Variants in ISY1 observed in about 807,000 individuals in gnomAD.
ISY1 encodes ISY1 spliceosome associated protein, also known as pre-mRNA-splicing factor ISY1 homolog.
Under a neutral mutation model 54.4 loss-of-function variants are expected in ISY1, and 12 were observed. The ratio of observed to expected loss-of-function variants is 0.22; its 90% CI spans 0.14 to 0.36. ISY1 has a LOEUF of 0.36. Among genes scored for constraint, ISY1 ranks in the 10% least tolerant of loss-of-function variants. The pLI, the probability that ISY1 is intolerant of heterozygous loss-of-function variation, is 1.00. For synonymous variants in ISY1, 96 were observed against 117.9 expected (o/e 0.81, Z 1.20); for missense variants, 282 against 342.2 (o/e 0.82, Z 1.39).
At chr3:129,157,015 T>C (rs1350672362) in intron 3 of ISY1, 95 bp from the exon 4 acceptor site, 1 of 1,378,856 alleles carries the variant, frequency 7.3e-7, no homozygotes, top group East Asian at 2.4e-5. Context: ...AATCATCTAA[T>C]GGCCTAAAAA....
chr3:129,145,946 A>G, intron 5 of ISY1, 73 bp from the exon 6 acceptor site: 1 of 1,423,942 alleles, frequency 7.0e-7, no homozygotes, highest in Non-Finnish European at 9.7e-7. Flanking sequence ...TACACTTAGT[A>G]TCATATCCTT....
Position 129,156,660 on chromosome 3 carries a change from A to C in ISY1, c.160T>G (p.Ser54Ala). The part of the protein sequence containing the change: ...KWRRQIIGEI[S>A]KKVAQIQNAG... The stretch of plus-strand genomic sequence containing the variant: ...TTCTGAATCTGAGCCACTTTTTTAG[A>C]GATCTCTCCAATGATCTATTAAAAA... Residue 54 changes from serine to alanine, a missense_variant, in exon 5 of 11, where the codon TCT becomes GCT. Transcript: ENST00000393295. 6.2e-7 allele frequency: 1 copy of C among 1,611,744 alleles called. No homozygotes were observed. The highest frequency in any genetic ancestry group is 8.5e-7 in the Non-Finnish European group (1 of 1,179,098).
At chr3:129,138,793 C>T (rs1430218745) in intron 7 of ISY1, among the ~76,000 whole-genome samples, 2 of 139,854 alleles carry the variant, frequency 1.4e-5, no homozygotes, top group Non-Finnish European at 3.1e-5. Flanking sequence ...CCAGCCTGCG[C>T]AACAGAGCAA....
At chr3:129,141,227 AAAT>A (rs869090100) in intron 6 of ISY1, among the ~76,000 whole-genome samples, 6 of 150,376 alleles carry the variant, frequency 4.0e-5, no homozygotes, top group African/African-American at 1.2e-4. Context: ...ATAAATAAAT[AAAT>A]AAAAAACACT....
chr3:129,149,017 C>G (rs141716646), intron 5 of ISY1, among the ~76,000 whole-genome samples: 27 of 152,242 alleles, frequency 1.8e-4, no homozygotes, highest in African/African-American at 6.5e-4. Flanking sequence ...GTCAACTGAC[C>G]AAACCAGACA....
At chr3:129,150,663 C>T (rs1936940626) in intron 5 of ISY1, among the ~76,000 whole-genome samples, 2 of 151,756 alleles carry the variant, frequency 1.3e-5, no homozygotes, top group Non-Finnish European at 2.9e-5. Flanking sequence ...CAGTGAGCTG[C>T]ACTCCAGCCT....
intron 6 of ISY1, among the ~76,000 whole-genome samples, chr3:129,145,331 T>C (rs541396370): frequency 4.6e-5 from 7 of 152,062 alleles, no homozygotes; most frequent in African/African-American, 1.7e-4. Context: ...CAAGTGATTC[T>C]CCTGCCTCAG....
intron 5 of ISY1, among the ~76,000 whole-genome samples, chr3:129,153,678 C>T (rs971785460): frequency 1.3e-5 from 2 of 151,932 alleles, no homozygotes; most frequent in African/African-American, 4.8e-5. Flanking sequence ...CCCAGCTACT[C>T]AGGAGGCTGA....
intron 5 of ISY1, among the ~76,000 whole-genome samples, chr3:129,147,109 T>C (rs1434076448): frequency 6.7e-6 from 1 of 149,822 alleles, no homozygotes; most frequent in East Asian, 2.0e-4. Context: ...GTGCGGTGGC[T>C]CACACCTGTA....
At chr3:129,134,238 T>C (rs1289627028) in intron 8 of ISY1, 43 bp from the exon 9 acceptor site, 2 of 1,613,164 alleles carry the variant, frequency 1.2e-6, no homozygotes, top group Non-Finnish European at 1.7e-6. Context: ...TGTCTCTAAA[T>C]GAGCTTTCAA....
In ISY1 at chr3:129,134,876, T is replaced by C. The variant is rs957448368; in HGVS notation, c.497A>G (p.Asp166Gly). The change falls in exon 8 of 11, where the codon GAT becomes GGT. Residue 166 changes from aspartate to glycine, a missense_variant. Coordinates refer to ENST00000393295, the MANE Select transcript of ISY1 (RefSeq NM_020701.4). ...TTCCAAAGGCACAATAACACCATCA[T>C]CTTCATCTAGGTAACCATAGTACTC... The part of the protein sequence containing the change: ...DFEYYGYLDE[D>G]DGVIVPLEQE... The C allele has an allele frequency of 1.9e-6, 3 of 1,611,426 alleles. No individual in the cohort carries two copies. The highest frequency in any genetic ancestry group is 2.5e-6 in the Non-Finnish European group (3 of 1,178,154).
intron 6 of ISY1, among the ~76,000 whole-genome samples, chr3:129,142,262 T>A (rs1272330686): frequency 6.7e-6 from 1 of 149,732 alleles, no homozygotes; most frequent in Non-Finnish European, 1.5e-5. Context: ...TGACCCCAGA[T>A]CAGGTCCTGT....
chr3:129,145,964 AT>A, intron 5 of ISY1, 91 bp from the exon 6 acceptor site: 2 of 1,245,678 alleles, frequency 1.6e-6, no homozygotes, highest in Non-Finnish European at 2.3e-6. Flanking sequence ...CTTAAAATGA[AT>A]GTCAACACCT....
intron 1 of ISY1, 150 bp downstream of exon 1, chr3:129,160,823 C>A (rs1391746220): frequency 5.9e-6 from 6 of 1,008,488 alleles, no homozygotes; most frequent in Non-Finnish European, 7.3e-6. Context: ...CTAATGGAGG[C>A]AGGAAGAGAA....
At chr3:129,130,731 G>T in intron 9 of ISY1, 95 bp from the exon 10 acceptor site, 3 of 1,303,822 alleles carry the variant, frequency 2.3e-6, no homozygotes, top group Non-Finnish European at 3.1e-6. Flanking sequence ...CTATTTAAAA[G>T]AAAAAAAAAC....
intron 5 of ISY1, among the ~76,000 whole-genome samples, chr3:129,153,009 C>CT (rs61374406): frequency 3.3e-4 from 37 of 111,708 alleles, no homozygotes; most frequent in African/African-American, 8.9e-4. Flanking sequence ...TTCTTTCCAT[C>CT]TTTTTTTTTT....
rs1420855317 is a variant in ISY1 at position 129,138,111 on chromosome 3, C to T, written c.418+2257G>A. On this transcript the variant is annotated intron_variant, in intron 7 of 10. Transcript: ENST00000393295. ...TTAACATGGTGAAACCCCGTCTCTA[C>T]TAAAAAAACACAAAAACTTTGCCGG... 2.0e-5 allele frequency among the ~76,000 whole-genome samples: 3 copies of T among 148,812 alleles called. No homozygotes were observed. In the Admixed American group the frequency reaches 2.0e-4, roughly 10 times the overall value.
intron 6 of ISY1, chr3:129,144,106 TA>T: frequency 2.4e-6 from 1 of 420,384 alleles, no homozygotes; most frequent in East Asian, 7.1e-5. Context: ...GAGCTGCTTT[TA>T]AGCTGCCTCA....
chr3:129,149,610 A>AATATATATATATATATAT (rs1199049568), intron 5 of ISY1, among the ~76,000 whole-genome samples: 1 of 24,628 alleles, frequency 4.1e-5, no homozygotes, highest in African/African-American at 1.2e-4. Flanking sequence ...AAAAAAAAAA[A>AATATATATATATATATAT]ATATATATAT....
Sources: allele counts gnomAD v4.1 joint callset (sites outside exome capture counted in the v4.1 genomes callset), GRCh38; gene constraint gnomAD v4.1.1; transcripts MANE v1.5; gene names NCBI Gene and HGNC (gene_info 2026-07-23, HGNC 2026-07-21).